Variants in ROBO1 observed in about 807,000 individuals in gnomAD.
The protein encoded by ROBO1 is roundabout guidance receptor 1, also known as roundabout homolog 1.
Under a neutral mutation model 195.9 loss-of-function variants are expected in ROBO1, and 149 were observed. The observed-to-expected ratio is 0.76, with a 90% confidence interval of 0.67 to 0.87. The LOEUF is 0.87. Ranked by LOEUF, ROBO1 falls within the 40% of genes least tolerant of loss-of-function variation. The pLI is 0.00. For synonymous variants in ROBO1, 816 were observed against 733.2 expected, an observed-to-expected ratio of 1.11 and a Z score of -1.82; for missense variants, 1,933 against 2,068.3, an observed-to-expected ratio of 0.93 and a Z score of 1.27.
At chr3:79,619,350 C>T (rs1944930661) in intron 1 of ROBO1, among the ~76,000 whole-genome samples, 1 of 152,158 alleles carries the variant, frequency 6.6e-6, no homozygotes, top group Non-Finnish European at 1.5e-5. Context: ...CCTTCTTCTC[C>T]CTTAGCCTGT....
At chr3:78,713,558 C>T (rs1220460412) in intron 8 of ROBO1, among the ~76,000 whole-genome samples, 1 of 151,470 alleles carries the variant, frequency 6.6e-6, no homozygotes, top group African/African-American at 2.4e-5. Context: ...AGACAACTTG[C>T]CACTTAAAAA....
At chr3:79,282,688 A>G (rs771068938) in intron 2 of ROBO1, among the ~76,000 whole-genome samples, 20 of 152,176 alleles carry the variant, frequency 1.3e-4, no homozygotes, top group Non-Finnish European at 1.8e-4. Context: ...AGAAAATTTT[A>G]CGCATGTTGA....
rs752462094 is a variant in ROBO1, at chr3:78,938,936, G to T, written c.173-9C>A. The T allele has an allele frequency of 4.4e-6, 7 of 1,594,382 alleles. No individual in the cohort carries two copies. Among genetic ancestry groups the T allele is most frequent in the Middle Eastern group, 1.7e-4 (1 of 5,966 alleles). On this transcript the variant is annotated splice_polypyrimidine_tract_variant and intron_variant, in intron 3 of 30. Transcript: ENST00000464233. Reference sequence around the variant, plus strand: ...CTGACGAAGACGGGAGCCTGCAGAAGAATTCACAAAATATCTTCGTATATC... The same window carrying T: ...CTGACGAAGACGGGAGCCTGCAGAATAATTCACAAAATATCTTCGTATATC...
At chr3:79,236,755 AGTAAT>A (rs1013848759) in intron 2 of ROBO1, among the ~76,000 whole-genome samples, 2 of 152,206 alleles carry the variant, frequency 1.3e-5, no homozygotes, top group African/African-American at 4.8e-5. Flanking sequence ...AAAATAATTG[AGTAAT>A]GTACATTTTT....
At chr3:79,502,342 A>C (rs1446340911) in intron 2 of ROBO1, among the ~76,000 whole-genome samples, 1 of 152,108 alleles carries the variant, frequency 6.6e-6, no homozygotes, top group Non-Finnish European at 1.5e-5. Flanking sequence ...GGCGAGCCGC[A>C]CTTGGAGCAG....
intron 3 of ROBO1, among the ~76,000 whole-genome samples, chr3:79,016,155 G>T (rs1315351154): frequency 1.3e-5 from 2 of 152,190 alleles, no homozygotes; most frequent in African/African-American, 4.8e-5. Flanking sequence ...CTAGTCACTT[G>T]AGTTCTGTGA....
At chr3:78,997,626 TAAAATACA>T (rs1009644400) in intron 3 of ROBO1, among the ~76,000 whole-genome samples, 1 of 152,118 alleles carries the variant, frequency 6.6e-6, no homozygotes, top group African/African-American at 2.4e-5. Flanking sequence ...CAAACAAATG[TAAAATACA>T]ACACAGTGTA....
At chr3:79,750,856 C>T (rs1338344731) in intron 1 of ROBO1, among the ~76,000 whole-genome samples, 8 of 152,138 alleles carry the variant, frequency 5.3e-5, no homozygotes, top group Non-Finnish European at 1.5e-5. Context: ...CTTAAATTCT[C>T]TGATTGTTTC....
At chr3:79,439,703 C>T (rs1439020329) in intron 2 of ROBO1, among the ~76,000 whole-genome samples, 1 of 152,098 alleles carries the variant, frequency 6.6e-6, no homozygotes, top group African/African-American at 2.4e-5. Flanking sequence ...TACCGCAATA[C>T]ATCATTTTCA....
intron 4 of ROBO1, among the ~76,000 whole-genome samples, chr3:78,839,615 A>G (rs2033033055): frequency 6.6e-6 from 1 of 152,174 alleles, no homozygotes; most frequent in African/African-American, 2.4e-5. Flanking sequence ...AAGCCCTTTC[A>G]TTAGTAACAA....
intron 2 of ROBO1, among the ~76,000 whole-genome samples, chr3:79,169,451 T>C (rs1276198548): frequency 6.6e-6 from 1 of 152,044 alleles, no homozygotes; most frequent in Non-Finnish European, 1.5e-5. Flanking sequence ...TCTGTAGAAA[T>C]GCACACACAC....
chr3:79,237,676 G>A (rs2082437492), intron 2 of ROBO1, among the ~76,000 whole-genome samples: 1 of 151,986 alleles, frequency 6.6e-6, no homozygotes. Context: ...AGTCATACAC[G>A]TAATTTTTGT....
At chr3:79,550,451 A>C (rs913847839) in intron 2 of ROBO1, among the ~76,000 whole-genome samples, 4 of 152,156 alleles carry the variant, frequency 2.6e-5, no homozygotes, top group African/African-American at 9.7e-5. Flanking sequence ...CATGCGATGC[A>C]CTTTAGTAAA....
chr3:78,627,326 G>C lies in ROBO1; in HGVS notation c.3870C>G (p.Asp1290Glu). The change falls in exon 26 of 31, where the codon GAC becomes GAG. Residue 1290 changes from aspartate to glutamate, a missense_variant. This residue lies in a region of ROBO1 where 1,737 missense variants were observed against 1,882.5 expected (regional missense o/e 0.92). Transcript: ENST00000464233. Reference protein sequence around the residue: ...EETGHMQHQPDRRRQPVSPPP... With the variant: ...EETGHMQHQPERRRQPVSPPP... ...GAAGGCTAGTGACAACATACCTCCTGTCGGGCTGGTGCTGCATGTGGCCAG... is the reference window on the plus strand; with the variant it reads ...GAAGGCTAGTGACAACATACCTCCTCTCGGGCTGGTGCTGCATGTGGCCAG... 6.2e-7 allele frequency: 1 copy of C among 1,611,922 alleles called. No individual in the cohort carries two copies. The highest frequency in any genetic ancestry group is 8.5e-7 in the Non-Finnish European group (1 of 1,179,012).
chr3:79,663,672 C>T (rs9869899), intron 1 of ROBO1, among the ~76,000 whole-genome samples: 94,426 of 151,812 alleles, frequency 0.62, 29,902 homozygotes, highest in African/African-American at 0.73. Context: ...TTAATCCACC[C>T]TTTCTCTTCT....
chr3:79,015,391 A>AC, intron 3 of ROBO1, among the ~76,000 whole-genome samples: 1 of 139,458 alleles, frequency 7.2e-6, no homozygotes, highest in Non-Finnish European at 1.6e-5. Flanking sequence ...CCCCCCCCCA[A>AC]AAAAACAAGA....
At chr3:79,606,668 C>T (rs1944495633) in intron 1 of ROBO1, among the ~76,000 whole-genome samples, 2 of 152,030 alleles carry the variant, frequency 1.3e-5, no homozygotes, top group South Asian at 4.1e-4. Flanking sequence ...ATCTCCTGCC[C>T]ACTGGTGACA....
chr3:79,391,470 C>T (rs562813514), intron 2 of ROBO1, among the ~76,000 whole-genome samples: 162 of 152,136 alleles, frequency 1.1e-3, no homozygotes, highest in African/African-American at 3.8e-3. Flanking sequence ...GATGGTGACT[C>T]CTAATTCAAT....
chr3:78,842,713 T>A (rs1467116623), intron 4 of ROBO1, among the ~76,000 whole-genome samples: 1 of 151,464 alleles, frequency 6.6e-6, no homozygotes, highest in Admixed American at 6.6e-5. Context: ...AAAATAACTT[T>A]TGGTTAGTTT....
Sources: gnomAD v4.1 joint callset for allele counts (sites outside exome capture counted in the v4.1 genomes callset) on GRCh38, gnomAD v4.1.1 for gene constraint, gnomAD v4.1.1 regional missense constraint, MANE v1.5 for transcripts, NCBI Gene and HGNC (gene_info 2026-07-23, HGNC 2026-07-21) for gene names.